Variants in SYN2 observed in about 807,000 individuals in gnomAD.
The protein encoded by SYN2 is synapsin II, also known as synapsin-2.
SYN2 carries 19 observed loss-of-function variants against 50.9 expected under a neutral mutation model. The observed-to-expected ratio is 0.37, with a 90% CI of 0.26 to 0.55. The LOEUF (loss-of-function observed/expected upper bound fraction) is 0.55. Ranked by LOEUF, SYN2 falls within the 20% of genes least tolerant of loss-of-function variation. The pLI is 0.81. For synonymous variants in SYN2, 255 were observed against 224.9 expected (o/e 1.13, Z -1.20); for missense variants, 587 against 576.4 (o/e 1.02, Z -0.19).
chr3:12,098,859 A>ATATG (rs1696004708), intron 1 of SYN2, among the ~76,000 whole-genome samples: 1 of 101,778 alleles, frequency 9.8e-6, no homozygotes, highest in Non-Finnish European at 2.0e-5. Context: ...GCAAAAGCAT[A>ATATG]TATATATATA....
intron 1 of SYN2, among the ~76,000 whole-genome samples, chr3:12,118,904 C>A (rs1382436703): frequency 6.6e-6 from 1 of 152,184 alleles, no homozygotes; most frequent in Non-Finnish European, 1.5e-5. Flanking sequence ...ATAATATTCT[C>A]ATTTCAGCAT....
At chr3:12,050,971 A>G (rs1408643909) in intron 1 of SYN2, among the ~76,000 whole-genome samples, 1 of 137,006 alleles carries the variant, frequency 7.3e-6, no homozygotes. Context: ...TCCTGACCTC[A>G]TGATCCACCC....
chr3:12,157,446 G>A lies in SYN2; in HGVS notation c.775-4100G>A, dbSNP rs77838721. Reference sequence around the variant, plus strand: ...AGTGTCAGCAGGGTCTGCACTGGCCGGAACTACCTTCTCACTGGAGATTTT... The same window carrying A: ...AGTGTCAGCAGGGTCTGCACTGGCCAGAACTACCTTCTCACTGGAGATTTT... On this transcript the variant is annotated intron_variant, in intron 5 of 12. Coordinates refer to ENST00000621198, the MANE Select transcript of SYN2 (RefSeq NM_133625.6). 4.6e-5 allele frequency: 74 copies of A among 1,614,140 alleles called. No homozygotes were observed. In the East Asian group the frequency reaches 8.2e-4, roughly 18 times the overall value.
intron 1 of SYN2, among the ~76,000 whole-genome samples, chr3:12,062,447 T>C (rs1243752418): frequency 6.6e-6 from 1 of 151,970 alleles, no homozygotes; most frequent in African/African-American, 2.4e-5. Flanking sequence ...GGTTTGGCTG[T>C]GAGTTTTTAG....
intron 11 of SYN2, chr3:12,183,835 C>T (rs1559459031): frequency 9.7e-7 from 1 of 1,031,120 alleles, no homozygotes; most frequent in African/African-American, 1.7e-5. Flanking sequence ...AAAAGAAAAC[C>T]CAACTCCTCT....
chr3:12,150,378 C>G (rs559580391), intron 4 of SYN2, among the ~76,000 whole-genome samples: 26 of 152,258 alleles, frequency 1.7e-4, no homozygotes, highest in East Asian at 5.8e-4. Flanking sequence ...CAGCTACTTG[C>G]AGGAATAAGG....
At chr3:12,131,671 T>G (rs911029252) in intron 1 of SYN2, among the ~76,000 whole-genome samples, 1 of 152,212 alleles carries the variant, frequency 6.6e-6, no homozygotes, top group African/African-American at 2.4e-5. Context: ...TTCCTGTATT[T>G]GATAATCTTG....
intron 1 of SYN2, among the ~76,000 whole-genome samples, chr3:12,051,398 G>A (rs1694860072): frequency 2.1e-5 from 1 of 47,052 alleles, no homozygotes; most frequent in South Asian, 8.9e-4. Flanking sequence ...ATCTCTGGCA[G>A]AGGCACAGAG....
intron 1 of SYN2, among the ~76,000 whole-genome samples, chr3:12,006,349 A>T (rs1693800751): frequency 1.3e-5 from 2 of 152,198 alleles, no homozygotes; most frequent in South Asian, 4.1e-4. Flanking sequence ...GAAGAGGGTA[A>T]TGGGGAAAGT....
At chr3:12,022,242 T>A (rs777048794) in intron 1 of SYN2, among the ~76,000 whole-genome samples, 3 of 152,086 alleles carry the variant, frequency 2.0e-5, no homozygotes, top group Non-Finnish European at 2.9e-5. Context: ...TCAAAAAAAA[T>A]GTTGAAGAAA....
chr3:12,051,699 G>A (rs1287200268), intron 1 of SYN2, among the ~76,000 whole-genome samples: 1 of 152,154 alleles, frequency 6.6e-6, no homozygotes, highest in Non-Finnish European at 1.5e-5. Context: ...CAGCCCACTT[G>A]GAAATAGCTT....
rs13317228 is a variant in SYN2, at chr3:12,099,975, G to A, written c.378-40676G>A. Among the ~76,000 whole-genome samples, 634 of 120,098 alleles carry A rather than the reference G, an allele frequency of 5.3e-3. 3 individuals are homozygous for A. The highest frequency in any genetic ancestry group is 6.2e-3 in the East Asian group (25 of 4,026). 78.8% of individuals were successfully genotyped at this position (120,098 alleles called of 152,430 possible). On this transcript the variant is annotated intron_variant, in intron 1 of 12. Coordinates refer to ENST00000621198, the MANE Select transcript of SYN2 (RefSeq NM_133625.6). ...GTGAGACTCTGTCTCAAAAAAAAAA[G>A]AAAAAAAAAAAGAAGTGCCTACAGT...
chr3:12,187,907 G>A (rs993680693), intron 12 of SYN2, among the ~76,000 whole-genome samples: 8 of 152,046 alleles, frequency 5.3e-5, no homozygotes, highest in African/African-American at 1.4e-4. Context: ...GTGGCACTAC[G>A]GCAGAGTCAC....
intron 1 of SYN2, among the ~76,000 whole-genome samples, chr3:12,110,285 G>C (rs967198251): frequency 1.3e-5 from 2 of 152,318 alleles, no homozygotes; most frequent in Admixed American, 1.3e-4. Context: ...GAGGCAAAAG[G>C]TGGGTTCCCA....
intron 12 of SYN2, among the ~76,000 whole-genome samples, chr3:12,188,385 C>T (rs1283666090): frequency 1.3e-5 from 2 of 152,236 alleles, no homozygotes; most frequent in Non-Finnish European, 2.9e-5. Context: ...ATTGCTTGTG[C>T]AGTGTCCCCA....
At chr3:12,045,010 A>C (rs1036934949) in intron 1 of SYN2, among the ~76,000 whole-genome samples, 5 of 152,192 alleles carry the variant, frequency 3.3e-5, no homozygotes, top group Admixed American at 6.5e-5. Context: ...GCAGCTAAGA[A>C]GTGGTGGAGA....
chr3:12,090,565 A>G (rs1574934646), intron 1 of SYN2, among the ~76,000 whole-genome samples: 1 of 152,188 alleles, frequency 6.6e-6, no homozygotes, highest in Non-Finnish European at 1.5e-5. Context: ...ATAAAATAAG[A>G]CAGTTGGACT....
At chr3:12,027,137 T>C (rs1000937019) in intron 1 of SYN2, among the ~76,000 whole-genome samples, 35 of 152,334 alleles carry the variant, frequency 2.3e-4, no homozygotes, top group Admixed American at 4.6e-4. Context: ...TGTGGCAAGA[T>C]TGTAATTTTG....
intron 1 of SYN2, among the ~76,000 whole-genome samples, chr3:12,005,410 T>A (rs1328927809): frequency 2.0e-5 from 3 of 151,988 alleles, no homozygotes; most frequent in Admixed American, 2.0e-4. Context: ...GGGTTTTTTT[T>A]AACCAGGACC....
Sources: allele counts gnomAD v4.1 joint callset (sites outside exome capture counted in the v4.1 genomes callset), GRCh38; gene constraint gnomAD v4.1.1; transcripts MANE v1.5; gene names NCBI Gene and HGNC (gene_info 2026-07-23, HGNC 2026-07-21).